The following PLCH2 variants were observed in gnomAD, a reference collection of about 807,000 sequenced individuals.
The protein encoded by PLCH2 is 1-phosphatidylinositol 4,5-bisphosphate phosphodiesterase eta-2.
PLCH2 carries 98 observed loss-of-function variants against 134.7 expected under a neutral mutation model. That is an observed-to-expected ratio of 0.73 (90% confidence interval 0.62 to 0.86). The LOEUF is 0.86. Among genes scored for constraint, PLCH2 ranks in the 40% least tolerant of loss-of-function variants. PLCH2 has a pLI of 0.00. For missense variants in PLCH2, 1,994 were observed against 1,986.6 expected (o/e 1.00, Z -0.07); for synonymous variants, 974 against 827.5 (o/e 1.18, Z -3.04).
At position 2,505,071 on chromosome 1, in the gene PLCH2, G is replaced by C. The variant is rs973128230; in HGVS notation, c.4109G>C (p.Gly1370Ala). The change falls in exon 22 of 22, where the codon GGA becomes GCA. Residue 1370 changes from glycine (G) to alanine (A), a missense_variant. By Grantham distance (60) the Gly-to-Ala change is moderately conservative. Around this residue, in one of 2 missense-constraint regions of PLCH2, gnomAD observed 900 missense variants for 752.3 expected, o/e 1.20. Transcript: ENST00000378486. ...AGACTGCAGGGCCTGGGCCGGCAGG[G>C]ACCCCCAGAAGAGGAGCGGGGCACC... ...QQRLQGLGRQ[G>A]PPEEERGTPE... is the part of the protein sequence containing the mutation. 1.7e-5 allele frequency: 26 copies of C among 1,538,316 alleles called. No individual in the cohort carries two copies. In the Admixed American group the frequency reaches 3.3e-4, roughly 20 times the overall value.
rs1045881473 is a variant in PLCH2 at position 2,444,375 on chromosome 1, G to T, written c.115+13746G>T. On this transcript the variant is annotated intron_variant, in intron 2 of 3. Transcript: ENST00000609981. This position sits in a 1 kb window ranked among gnomAD's most constrained non-coding sequence, Gnocchi z 4.6. ...CCGGGAGGTGCTGCGTGGACTTGCC[G>T]CATGGCACATCTGCCTGGGCTGCAG... 6.6e-6 allele frequency among the ~76,000 whole-genome samples: 1 copy of T among 152,142 alleles called. No homozygotes were observed. The highest frequency in any genetic ancestry group is 1.5e-5 in the Non-Finnish European group (1 of 68,022).
the PLCH2 span, among the ~76,000 whole-genome samples, chr1:2,416,991 A>G: frequency 6.6e-6 from 1 of 152,068 alleles, no homozygotes; most frequent in Non-Finnish European, 1.5e-5. Flanking sequence ...AGGACAGGAA[A>G]GAGAAATGGG....
In PLCH2 at chr1:2,439,730, C is replaced by T. The variant is rs933395758; in HGVS notation, c.115+9101C>T. On this transcript the variant is annotated intron_variant, in intron 2 of 3. Coordinates refer to the PLCH2 transcript ENST00000609981. This position sits in a 1 kb window ranked among gnomAD's most constrained non-coding sequence, Gnocchi z 4.7. ...CACCTGGGGCTGACACTGCCACCCT[C>T]GGGGGAGAGTCCCGGGGTCCGTGGG... Among the ~76,000 whole-genome samples, 14 of 152,274 alleles carry T rather than the reference C, an allele frequency of 9.2e-5. No homozygotes were observed. The highest frequency in any genetic ancestry group is 2.2e-4 in the African/African-American group (9 of 41,550).
chr1:2,445,682 A>G (rs545348864), intron 2 of PLCH2, among the ~76,000 whole-genome samples: 1 of 152,110 alleles, frequency 6.6e-6, no homozygotes, highest in South Asian at 2.1e-4. Flanking sequence ...GAGACCCCCT[A>G]CAGACCCTCC....
rs544013712 is a variant in PLCH2 at position 2,438,775 on chromosome 1, T to C, written c.115+8146T>C. 2.6e-3 allele frequency among the ~76,000 whole-genome samples: 397 copies of C among 152,310 alleles called. 1 individual carries two copies. The highest frequency in any genetic ancestry group is 9.0e-3 in the African/African-American group (375 of 41,568). The stretch of plus-strand genomic sequence containing the variant: ...TGGGAGCACCCCCCGTCCCGCTGCC[T>C]GCCCACCAGTCTGCCACCCTCCCTG... On this transcript the variant is annotated intron_variant, in intron 2 of 3. Coordinates refer to the PLCH2 transcript ENST00000609981.
the PLCH2 span, among the ~76,000 whole-genome samples, chr1:2,416,247 A>G: frequency 2.0e-5 from 3 of 151,610 alleles, no homozygotes; most frequent in Admixed American, 6.6e-5. Context: ...TGGGTGGGCA[A>G]AGTGGGCGCT....
Position 2,504,850 on chromosome 1 carries a change from G to T in PLCH2, c.3888G>T (p.Arg1296=). 6.2e-7 allele frequency: 1 copy of T among 1,603,324 alleles called. No individual in the cohort carries two copies. Among genetic ancestry groups the T allele is most frequent in the Non-Finnish European group, 8.5e-7 (1 of 1,175,620 alleles). The change falls in exon 22 of 22, where the codon CGG becomes CGT. Residue 1296 remains arginine (R), a synonymous_variant. Coordinates refer to ENST00000378486, the MANE Select transcript of PLCH2 (RefSeq NM_014638.4). The stretch of plus-strand genomic sequence containing the variant: ...GGGTGTCGGGGCCAGGGGTGAGACG[G>T]GACACCCTGACAGAGCAGCTGCGCT... The part of the protein sequence containing the change: ...TRRVSGPGVR[R]DTLTEQLRWL...
rs546615844 is a variant in PLCH2, at chr1:2,504,132, G to C, written c.3170G>C (p.Arg1057Pro). The C allele has an allele frequency of 6.6e-7, 1 of 1,522,306 alleles. No homozygotes were observed. The highest frequency in any genetic ancestry group is 1.4e-5 in the African/African-American group (1 of 71,250). The allele number at this position is 1,522,306 out of a possible 1,614,324, so 94.3% of individuals were successfully genotyped here. A position where few individuals can be genotyped will look rare whatever the true frequency, so the allele number is the denominator to read the frequency against. Residue 1057 changes from arginine (R) to proline (P), a missense_variant, in exon 22 of 22, where the codon CGG (arginine) becomes CCG (proline). Around this residue, in one of 2 missense-constraint regions of PLCH2, gnomAD observed 900 missense variants for 752.3 expected, o/e 1.20. Transcript: ENST00000378486. ...DTEEPRDSRP[R>P]PCNGEGAGGA... is the part of the protein sequence containing the mutation. ...GAGGAGCCCCGAGACAGCAGGCCTC[G>C]GCCGTGCAACGGCGAGGGCGCCGGC...
intron 20 of PLCH2, chr1:2,499,974 G>A (rs1347447357): frequency 1.9e-5 from 11 of 582,814 alleles, no homozygotes; most frequent in Non-Finnish European, 3.4e-5. Context: ...AGTGCTCCGG[G>A]CCTTGCCCCG....
rs965402225 is a variant in PLCH2 at position 2,448,151 on chromosome 1, G to A, written c.115+17522G>A. Among the ~76,000 whole-genome samples the A allele has an allele frequency of 6.6e-5, 10 of 152,180 alleles. 1 individual carries two copies. The South Asian group carries it at 1.2e-3, about 19-fold the overall frequency. The stretch of plus-strand genomic sequence containing the variant: ...TGGGCTGCCCTTGCCCTCCTGGAGC[G>A]CCAGGTGCCCCGGGTGTCTGGAGCA... On this transcript the variant is annotated intron_variant, in intron 2 of 3. Transcript: ENST00000609981. The surrounding 1 kb of genome is among the most constrained non-coding windows in gnomAD (Gnocchi z 4.0).
chr1:2,489,071 T>A (rs555663426), intron 8 of PLCH2, 136 bp from the exon 9 acceptor site: 1 of 758,386 alleles, frequency 1.3e-6, no homozygotes, highest in African/African-American at 1.7e-5. Context: ...CTGCTGGTAA[T>A]CCCAGCTATC....
Position 2,486,999 on chromosome 1 carries a change from T to C in PLCH2, c.909T>C (p.Asp303=). 1 of 1,593,536 alleles carries C rather than the reference T, an allele frequency of 6.3e-7. No homozygotes were observed. Among genetic ancestry groups the C allele is most frequent in the South Asian group, 1.1e-5 (1 of 87,572 alleles). The change falls in exon 6 of 22, where the codon GAT becomes GAC. Residue 303 remains aspartate, a splice_region_variant and synonymous_variant. Coordinates refer to ENST00000378486, the MANE Select transcript of PLCH2 (RefSeq NM_014638.4). ...ENKSKGLLGI[D]GFTNYTRSPA... The stretch of plus-strand genomic sequence containing the variant: ...AGAGTAAGGGGCTGCTGGGCATTGA[T>C]GGTGAGTGGGGCGCTGCCCTCAGCC...
chr1:2,453,861 G>A (rs539065593), intron 2 of PLCH2, among the ~76,000 whole-genome samples: 2 of 152,286 alleles, frequency 1.3e-5, no homozygotes, highest in East Asian at 3.9e-4. Flanking sequence ...CAGGACTTTG[G>A]GCAACGGTGG....
At position 2,439,986 on chromosome 1, in the gene PLCH2, C is replaced by T. The variant is rs1344267861; in HGVS notation, c.115+9357C>T. ...GGGAGGCTTCCCAGAGGAGGTGCCTCGTTCCTGACCTTGGAAACCAGGCAG... is the reference window on the plus strand; with the variant it reads ...GGGAGGCTTCCCAGAGGAGGTGCCTTGTTCCTGACCTTGGAAACCAGGCAG... On this transcript the variant is annotated intron_variant, in intron 2 of 3. Coordinates refer to the PLCH2 transcript ENST00000609981. This position sits in a 1 kb window ranked among gnomAD's most constrained non-coding sequence, Gnocchi z 4.7. Among the ~76,000 whole-genome samples the T allele has an allele frequency of 6.6e-6, 1 of 152,056 alleles. No individual in the cohort carries two copies. The highest frequency in any genetic ancestry group is 2.4e-5 in the African/African-American group (1 of 41,394).
At chr1:2,500,315 G>A (rs534423766) in intron 20 of PLCH2, 4 of 159,500 alleles carry the variant, frequency 2.5e-5, no homozygotes, top group South Asian at 1.8e-4. Flanking sequence ...CGGGGAACCC[G>A]CACACACAGC....
At chr1:2,487,544 C>T (rs935132943) in intron 7 of PLCH2, 54 bp from the exon 8 acceptor site, 2 of 1,580,686 alleles carry the variant, frequency 1.3e-6, no homozygotes, top group Non-Finnish European at 1.7e-6. Flanking sequence ...CTCAGCCTGC[C>T]TGGGCTCACT....
At chr1:2,484,659 G>T (rs1245195333) in intron 5 of PLCH2, 41 bp downstream of exon 5, 1 of 1,597,818 alleles carries the variant, frequency 6.3e-7, no homozygotes, top group Non-Finnish European at 8.5e-7. Context: ...CAGCCATCAG[G>T]CCTCGCCTTC....
At chr1:2,485,781 C>G (rs955721389) in intron 5 of PLCH2, among the ~76,000 whole-genome samples, 2 of 152,134 alleles carry the variant, frequency 1.3e-5, no homozygotes, top group Admixed American at 1.3e-4. Context: ...CAGGAGGAGC[C>G]TTGGGAATCC....
At position 2,467,716 on chromosome 1, in the gene PLCH2, C is replaced by T. The variant is rs372226989; in HGVS notation, c.43+54C>T. ...GGGTTGTGATGGTCCCCGTAGGGAGCCCAGGACCGGACCTGTTCACTGGTG... is the reference window on the plus strand; with the variant it reads ...GGGTTGTGATGGTCCCCGTAGGGAGTCCAGGACCGGACCTGTTCACTGGTG... On this transcript the variant is annotated intron_variant, in intron 1 of 21. Coordinates refer to the PLCH2 transcript ENST00000449969. 9.1e-4 allele frequency: 367 copies of T among 402,560 alleles called. 1 individual carries two copies. The highest frequency in any genetic ancestry group is 1.9e-3 in the Middle Eastern group (6 of 3,186). 24.9% of individuals were successfully genotyped at this position (402,560 alleles called of 1,614,324 possible).
Sources: allele counts gnomAD v4.1 joint callset (sites outside exome capture counted in the v4.1 genomes callset), GRCh38; gene constraint gnomAD v4.1.1; regional missense constraint gnomAD v4.1.1; non-coding constraint Gnocchi (gnomAD v3.1); transcripts MANE v1.5; gene names NCBI Gene and HGNC (gene_info 2026-07-23, HGNC 2026-07-21).